The following NPLOC4 variants were observed in gnomAD, a reference collection of about 807,000 sequenced individuals.
NPLOC4 encodes the protein nuclear protein localization protein 4 homolog.
A neutral mutation model predicts 80.6 loss-of-function variants in NPLOC4; 18 were observed. That is an observed-to-expected ratio of 0.22 (90% CI 0.15 to 0.33). The LOEUF is 0.33. Ranked by LOEUF, NPLOC4 falls within the 10% of genes least tolerant of loss-of-function variation. The probability of loss-of-function intolerance (pLI) is 1.00; values close to 1 mark genes in which losing one functional copy is unlikely to be tolerated. For synonymous variants in NPLOC4, 313 were observed against 301.5 expected, an observed-to-expected ratio of 1.04 and a Z score of -0.39; for missense variants, 540 against 786.1, an observed-to-expected ratio of 0.69 and a Z score of 3.74.
chr17:81,577,751 C>T lies in NPLOC4; in HGVS notation c.1282-5663G>A, dbSNP rs889769794. On this transcript the variant is annotated intron_variant, in intron 12 of 16. Coordinates refer to ENST00000331134, the MANE Select transcript of NPLOC4 (RefSeq NM_017921.4). This position sits in a 1 kb window ranked among gnomAD's most constrained non-coding sequence, Gnocchi z 4.3. Reference sequence around the variant, plus strand: ...GCTCTACTCTGGCACCAGTGCCAACCCTGCTCCCCAAAACCAGGAACCTGG... The same window carrying T: ...GCTCTACTCTGGCACCAGTGCCAACTCTGCTCCCCAAAACCAGGAACCTGG... Among the ~76,000 whole-genome samples the T allele has an allele frequency of 6.6e-6, 1 of 152,226 alleles. No individual in the cohort carries two copies. The highest frequency in any genetic ancestry group is 1.5e-5 in the Non-Finnish European group (1 of 68,044).
intron 7 of NPLOC4, among the ~76,000 whole-genome samples, chr17:81,605,864 C>G (rs2035190092): frequency 6.6e-6 from 1 of 151,492 alleles, no homozygotes; most frequent in African/African-American, 2.4e-5. Context: ...CTCTGTCACC[C>G]AGGCTGGAGT....
rs1349763071 is a variant in NPLOC4, at chr17:81,631,113, C to A, written c.16-1308G>T. On this transcript the variant is annotated intron_variant, in intron 1 of 16. Coordinates refer to ENST00000331134, the MANE Select transcript of NPLOC4 (RefSeq NM_017921.4). ...GCTTGAACCCAGGAGGCAGAGGTTGCAGTGAGCCAAGATCGTGCCATTGCG... is the reference window on the plus strand; with the variant it reads ...GCTTGAACCCAGGAGGCAGAGGTTGAAGTGAGCCAAGATCGTGCCATTGCG... Among the ~76,000 whole-genome samples, 3 of 151,816 alleles carry A rather than the reference C, an allele frequency of 2.0e-5. No individual in the cohort carries two copies. In the East Asian group the frequency reaches 5.8e-4, roughly 29 times the overall value.
At position 81,577,033 on chromosome 17, in the gene NPLOC4, G is replaced by A. The variant is rs2034320189; in HGVS notation, c.1282-4945C>T. Among the ~76,000 whole-genome samples, 1 of 152,188 alleles carries A rather than the reference G, an allele frequency of 6.6e-6. No individual in the cohort carries two copies. Among genetic ancestry groups the A allele is most frequent in the African/African-American group, 2.4e-5 (1 of 41,434 alleles). On this transcript the variant is annotated intron_variant, in intron 12 of 16. Transcript: ENST00000331134. This position sits in a 1 kb window ranked among gnomAD's most constrained non-coding sequence, Gnocchi z 4.3. ...AAGCATGCACTAAGAATGAGTTACA[G>A]GGTCCACCAAGTGCTGTTCACAGTG...
chr17:81,599,652 CTTA>C (rs547457414), intron 9 of NPLOC4, among the ~76,000 whole-genome samples: 15 of 152,132 alleles, frequency 9.9e-5, no homozygotes, highest in Non-Finnish European at 1.9e-4. Flanking sequence ...ATAAAACATA[CTTA>C]TTAACATTAA....
At chr17:81,613,928 G>C (rs915002998) in intron 3 of NPLOC4, among the ~76,000 whole-genome samples, 3 of 151,762 alleles carry the variant, frequency 2.0e-5, no homozygotes, top group Middle Eastern at 3.2e-3. Context: ...CTGCTTTCTC[G>C]GCGTTCACAT....
Position 81,569,062 on chromosome 17 carries a change from T to C in NPLOC4, c.1403A>G (p.Gln468Arg). Residue 468 changes from glutamine to arginine, a missense_variant, in exon 14 of 17, where the codon CAA (glutamine) becomes CGA (arginine). By Grantham distance (43) the Gln-to-Arg change is conservative. Transcript: ENST00000331134. ...CCGGTTTTCAATAGGAAATGGATTTTGCGAAATAGAAAAAGTGTAAACTGG... is the reference window on the plus strand; with the variant it reads ...CCGGTTTTCAATAGGAAATGGATTTCGCGAAATAGAAAAAGTGTAAACTGG... ...KDPVYTFSIS[Q>R]NPFPIENRDV... 3.7e-6 allele frequency: 6 copies of C among 1,613,460 alleles called. No homozygotes were observed. Among genetic ancestry groups the C allele is most frequent in the Non-Finnish European group, 5.1e-6 (6 of 1,179,394 alleles).
Position 81,567,750 on chromosome 17 carries a change from C to T in NPLOC4, c.1450-217G>A, listed in dbSNP as rs1395113685. Reference sequence around the variant, plus strand: ...TCCCAAGAAGATGCTCTCAGCACACCTGACTACCCAGATGTGCAAGGAGAC... The same window carrying T: ...TCCCAAGAAGATGCTCTCAGCACACTTGACTACCCAGATGTGCAAGGAGAC... On this transcript the variant is annotated intron_variant, in intron 14 of 16. Coordinates refer to ENST00000331134, the MANE Select transcript of NPLOC4 (RefSeq NM_017921.4). This position sits in a 1 kb window ranked among gnomAD's most constrained non-coding sequence, Gnocchi z 4.5. 6.6e-6 allele frequency among the ~76,000 whole-genome samples: 1 copy of T among 152,188 alleles called. No homozygotes were observed. The highest frequency in any genetic ancestry group is 1.9e-4 in the East Asian group (1 of 5,190).
chr17:81,601,874 C>A (rs1877617462), intron 8 of NPLOC4, among the ~76,000 whole-genome samples: 1 of 152,106 alleles, frequency 6.6e-6, no homozygotes, highest in South Asian at 2.1e-4. Flanking sequence ...CAGCTGTTAC[C>A]CATGCATAGC....
rs767652273 is a variant in NPLOC4 at position 81,583,506 on chromosome 17, G to C, written c.1281+5438C>G. On this transcript the variant is annotated intron_variant, in intron 12 of 16. Coordinates refer to ENST00000331134, the MANE Select transcript of NPLOC4 (RefSeq NM_017921.4). ...GTTCCCTTTCACAAGAAAGGTGAAAGAGAAAAGCCCCACGTCCTGCCACCT... is the reference window on the plus strand; with the variant it reads ...GTTCCCTTTCACAAGAAAGGTGAAACAGAAAAGCCCCACGTCCTGCCACCT... Among the ~76,000 whole-genome samples, 111 of 152,218 alleles carry C rather than the reference G, an allele frequency of 7.3e-4. 1 individual carries two copies. Among genetic ancestry groups the C allele is most frequent in the Non-Finnish European group, 1.3e-3 (88 of 68,042 alleles).
chr17:81,619,184 A>T (rs1252737646), intron 3 of NPLOC4, among the ~76,000 whole-genome samples: 1 of 145,116 alleles, frequency 6.9e-6, no homozygotes, highest in Non-Finnish European at 1.5e-5. Context: ...TGCGAGAAAC[A>T]CCCAAGAATG....
At chr17:81,618,422 A>C (rs2035565935) in intron 3 of NPLOC4, among the ~76,000 whole-genome samples, 2 of 137,094 alleles carry the variant, frequency 1.5e-5, no homozygotes, top group African/African-American at 2.8e-5. Flanking sequence ...TCCGCCCCGC[A>C]GCCGCCCCGT....
At chr17:81,565,000 G>A (rs1251182507) in intron 16 of NPLOC4, 2 of 376,532 alleles carry the variant, frequency 5.3e-6, no homozygotes, top group Admixed American at 4.6e-5. Context: ...GTTCTCACGA[G>A]TGGGGAATCG....
chr17:81,565,665 G>T, intron 15 of NPLOC4, 58 bp from the exon 16 acceptor site: 1 of 1,295,794 alleles, frequency 7.7e-7, no homozygotes. Context: ...GCAGCTTCCT[G>T]CTAGAACAGG....
chr17:81,630,847 A>G (rs1225097523), intron 1 of NPLOC4, among the ~76,000 whole-genome samples: 2 of 151,892 alleles, frequency 1.3e-5, no homozygotes, highest in Admixed American at 6.6e-5. Flanking sequence ...ACTGCACTCC[A>G]GCATTGGTGA....
At chr17:81,560,704 A>C (rs1215097252) in intron 16 of NPLOC4, 2 of 153,074 alleles carry the variant, frequency 1.3e-5, no homozygotes, top group Non-Finnish European at 2.9e-5. Flanking sequence ...AACAAACAAC[A>C]ACAACAAAAA....
At chr17:81,628,407 G>A (rs997061823) in intron 2 of NPLOC4, among the ~76,000 whole-genome samples, 2 of 151,500 alleles carry the variant, frequency 1.3e-5, no homozygotes, top group South Asian at 2.1e-4. Flanking sequence ...CTAGCTACTC[G>A]AGAGGCTTAG....
chr17:81,585,919 G>A (rs1409638662), intron 12 of NPLOC4, among the ~76,000 whole-genome samples: 1 of 152,146 alleles, frequency 6.6e-6, no homozygotes, highest in Non-Finnish European at 1.5e-5. Context: ...AGCCCAGGAG[G>A]CAGAAGTTGC....
chr17:81,576,973 A>G (rs2034318945), intron 12 of NPLOC4, among the ~76,000 whole-genome samples: 1 of 152,316 alleles, frequency 6.6e-6, no homozygotes, highest in Non-Finnish European at 1.5e-5. Flanking sequence ...TCGGCAACAT[A>G]ATCCTAGTTC....
At chr17:81,570,841 A>G (rs1355606998) in intron 13 of NPLOC4, among the ~76,000 whole-genome samples, 1 of 152,198 alleles carries the variant, frequency 6.6e-6, no homozygotes, top group African/African-American at 2.4e-5. Flanking sequence ...TCACTTCCAC[A>G]GGGTCAAGGA....
Sources: allele counts gnomAD v4.1 joint callset (sites outside exome capture counted in the v4.1 genomes callset), GRCh38; gene constraint gnomAD v4.1.1; non-coding constraint Gnocchi (gnomAD v3.1); transcripts MANE v1.5; gene names NCBI Gene and HGNC (gene_info 2026-07-23, HGNC 2026-07-21).